Variants in MSL1 observed in about 807,000 individuals in gnomAD.
The protein encoded by MSL1 is male-specific lethal 1 homolog.
In MSL1, 21 loss-of-function variants were observed where a neutral mutation model predicts 64.6. The observed-to-expected ratio is 0.33, with a 90% CI of 0.23 to 0.47. The LOEUF (loss-of-function observed/expected upper bound fraction) is 0.47. Among genes scored for constraint, MSL1 ranks in the 20% least tolerant of loss-of-function variants. The pLI is 1.00. For missense variants in MSL1, 664 were observed against 793.2 expected (o/e 0.84, Z 1.96); for synonymous variants, 339 against 329.6 (o/e 1.03, Z -0.31).
intron 1 of MSL1, 40 bp downstream of exon 1, chr17:40,123,420 G>A: frequency 6.6e-7 from 1 of 1,525,876 alleles, no homozygotes; most frequent in Non-Finnish European, 8.8e-7. Flanking sequence ...CGAGGAGCGA[G>A]TTGTGCGCAT....
intron 6 of MSL1, 82 bp from the exon 7 acceptor site, chr17:40,133,452 T>C: frequency 6.6e-7 from 1 of 1,505,178 alleles, no homozygotes. Context: ...GCATCTGGAT[T>C]GTGTGAGTTG....
In MSL1 at chr17:40,126,299, G is replaced by A; in HGVS notation, c.885G>A (p.Glu295=). The A allele has an allele frequency of 1.9e-6, 3 of 1,613,996 alleles. No individual in the cohort carries two copies. Among genetic ancestry groups the A allele is most frequent in the Non-Finnish European group, 2.5e-6 (3 of 1,179,886 alleles). The part of the protein sequence containing the change: ...GYETEEREET[E]LSEKIKLECQ... The stretch of plus-strand genomic sequence containing the variant: ...AAACTGAAGAGAGAGAGGAAACAGA[G>A]CTATCTGAGAAAATTAAACTGGAGT... The change falls in exon 2 of 9, where the codon GAG becomes GAA. Residue 295 remains glutamate, a synonymous_variant. Coordinates refer to ENST00000398532, the MANE Select transcript of MSL1 (RefSeq NM_001365919.1).
Position 40,123,177 on chromosome 17 carries a change from G to A in MSL1, c.565G>A (p.Ala189Thr). 6.5e-7 allele frequency: 1 copy of A among 1,535,090 alleles called. No homozygotes were observed. The highest frequency in any genetic ancestry group is 8.7e-7 in the Non-Finnish European group (1 of 1,146,594). ...GPPPLAPTAT[A>T]GTLAASEGRW... ...GCCACCCCTCGCGCCCACCGCCACC[G>A]CCGGGACCCTGGCGGCCAGCGAGGG... The change falls in exon 1 of 9, where the codon GCC (alanine) becomes ACC (threonine). Residue 189 changes from alanine to threonine, a missense_variant. By Grantham distance (58) the Ala-to-Thr change is moderately conservative. Transcript: ENST00000398532.
Position 40,136,630 on chromosome 17 carries a change from A to G in MSL1, c.*2261A>G, listed in dbSNP as rs903200442. On this transcript the variant is annotated 3_prime_UTR_variant, in exon 9 of 9. Transcript: ENST00000398532. Reference sequence around the variant, plus strand: ...AGCTAGTGTTAATAAATTAAAAAAAATTGCTTGTCTGTCTACTTCAGCTTT... The same window carrying G: ...AGCTAGTGTTAATAAATTAAAAAAAGTTGCTTGTCTGTCTACTTCAGCTTT... 9 of 152,316 alleles carry G rather than the reference A, an allele frequency of 5.9e-5. No homozygotes were observed. The highest frequency in any genetic ancestry group is 1.9e-4 in the African/African-American group (8 of 41,428). 9.4% of individuals were successfully genotyped at this position (152,316 alleles called of 1,614,324 possible). A position where few individuals can be genotyped will look rare whatever the true frequency, so the allele number is the denominator to read the frequency against.
rs1988443371 is a variant in MSL1 at position 40,131,837 on chromosome 17, T to C, written c.1424-197T>C. 1 of 612,952 alleles carries C rather than the reference T, an allele frequency of 1.6e-6. No homozygotes were observed. The highest frequency in any genetic ancestry group is 2.9e-5 in the Admixed American group (1 of 34,214). The allele number at this position is 612,952 out of a possible 1,614,324, so 38.0% of individuals were successfully genotyped here. A position where few individuals can be genotyped will look rare whatever the true frequency, so the allele number is the denominator to read the frequency against. On this transcript the variant is annotated intron_variant, in intron 4 of 8. Coordinates refer to ENST00000398532, the MANE Select transcript of MSL1 (RefSeq NM_001365919.1). This position sits in a 1 kb window ranked among gnomAD's most constrained non-coding sequence, Gnocchi z 4.5. ...TGATCCTGAGTTTGGCAGACTGCAA[T>C]GGCATTTTAGGTTCTTTTATACCAT...
Position 40,123,336 on chromosome 17 carries a change from G to A in MSL1, c.724G>A (p.Ala242Thr), listed in dbSNP as rs1480205400. Residue 242 changes from alanine (A) to threonine (T), a missense_variant, in exon 1 of 9, where the codon GCC (alanine) becomes ACC (threonine). Physicochemically the swap from Ala to Thr is moderately conservative, Grantham distance 58. Coordinates refer to ENST00000398532, the MANE Select transcript of MSL1 (RefSeq NM_001365919.1). The stretch of plus-strand genomic sequence containing the variant: ...CGAACAGCAGCAGCAGCAGCTGCAG[G>A]CCAAGGAAAAGGAGATCGAGGAGCT... ...LIEQQQQQLQAKEKEIEELKS... is the reference protein window; with the variant it reads ...LIEQQQQQLQTKEKEIEELKS... The A allele has an allele frequency of 3.3e-6, 5 of 1,536,326 alleles. No individual in the cohort carries two copies. The highest frequency in any genetic ancestry group is 1.4e-5 in the African/African-American group (1 of 73,048).
Position 40,131,518 on chromosome 17 carries a change from T to C in MSL1, c.1376-19T>C. The stretch of plus-strand genomic sequence containing the variant: ...TTTCTTTTTACACTGAGATTATTCT[T>C]CTTTCCTGCATTATTTAGGGTGTCT... On this transcript the variant is annotated intron_variant, in intron 3 of 8. Transcript: ENST00000398532. The surrounding 1 kb of genome is among the most constrained non-coding windows in gnomAD (Gnocchi z 4.5). The C allele has an allele frequency of 1.2e-6, 2 of 1,612,586 alleles. No homozygotes were observed. The highest frequency in any genetic ancestry group is 1.7e-6 in the Non-Finnish European group (2 of 1,178,662).
intron 1 of MSL1, among the ~76,000 whole-genome samples, chr17:40,123,784 C>T (rs1309040257): frequency 6.6e-6 from 1 of 152,152 alleles, no homozygotes; most frequent in Non-Finnish European, 1.5e-5. Context: ...GAGGAGAGGG[C>T]TGTAGCAAGC....
rs1299993632 is a variant in MSL1 at position 40,123,064 on chromosome 17, C to T, written c.452C>T (p.Pro151Leu). The T allele has an allele frequency of 9.8e-6, 15 of 1,532,264 alleles. No homozygotes were observed. The highest frequency in any genetic ancestry group is 1.3e-5 in the Non-Finnish European group (15 of 1,145,422). 94.9% of individuals were successfully genotyped at this position (1,532,264 alleles called of 1,614,324 possible). Residue 151 changes from proline (P) to leucine (L), a missense_variant, in exon 1 of 9, where the codon CCC (proline) becomes CTC (leucine). By Grantham distance (98) the Pro-to-Leu change is moderately conservative. Transcript: ENST00000398532. ...GTGGCGGCGGCCAAAGAGCCTACGC[C>T]CTGGGCTGGGGACAAGGGTGGGGCG... ...SLVAAAKEPT[P>L]WAGDKGGAAS...
At position 40,122,550 on chromosome 17, in the gene MSL1, C is replaced by G. The variant is rs1347615892; in HGVS notation, c.-63C>G. ...CTCCCCCCCCTCAGTCCTCGACCCC[C>G]CGCACCTCGCCCCTTCCCCACCCCC... On this transcript the variant is annotated 5_prime_UTR_variant, in exon 1 of 9. Transcript: ENST00000398532. The surrounding 1 kb of genome is among the most constrained non-coding windows in gnomAD (Gnocchi z 4.2). 4 of 1,267,304 alleles carry G rather than the reference C, an allele frequency of 3.2e-6. No homozygotes were observed. The highest frequency in any genetic ancestry group is 1.6e-5 in the African/African-American group (1 of 63,608). 78.5% of individuals were successfully genotyped at this position (1,267,304 alleles called of 1,614,324 possible).
chr17:40,128,182 G>T (rs966581516), intron 2 of MSL1, among the ~76,000 whole-genome samples: 5 of 151,962 alleles, frequency 3.3e-5, no homozygotes, highest in African/African-American at 1.2e-4. Flanking sequence ...TGTGGTGGGG[G>T]AAGAAGGGAA....
intron 2 of MSL1, among the ~76,000 whole-genome samples, chr17:40,128,256 G>A (rs975110898): frequency 6.6e-6 from 1 of 152,020 alleles, no homozygotes; most frequent in Admixed American, 6.6e-5. Context: ...TACAATTAAT[G>A]TGGTACAGGG....
chr17:40,125,565 C>T (rs2145128187), intron 1 of MSL1, among the ~76,000 whole-genome samples: 1 of 152,310 alleles, frequency 6.6e-6, no homozygotes, highest in Admixed American at 6.5e-5. Context: ...GTAATCCCAG[C>T]ACTTTGGGAG....
chr17:40,128,409 CTG>C (rs1988369876), intron 2 of MSL1, among the ~76,000 whole-genome samples: 1 of 135,114 alleles, frequency 7.4e-6, no homozygotes, highest in South Asian at 2.5e-4. Flanking sequence ...GAGTCTCACT[CTG>C]TCGCCCAGGC....
rs866867277 is a variant in MSL1, at chr17:40,134,314, G to A, written c.1790G>A (p.Arg597Gln). 10 of 1,557,606 alleles carry A rather than the reference G, an allele frequency of 6.4e-6. No individual in the cohort carries two copies. The highest frequency in any genetic ancestry group is 8.7e-6 in the Non-Finnish European group (10 of 1,150,276). Residue 597 changes from arginine (R) to glutamine (Q), a missense_variant, in exon 9 of 9, where the codon CGA becomes CAA. Arg to Gln is a conservative substitution (Grantham distance 43, BLOSUM62 1). Around this residue, in one of 4 missense-constraint regions of MSL1, gnomAD observed 76 missense variants for 98.5 expected, o/e 0.77. Transcript: ENST00000398532. Reference protein sequence around the residue: ...FELPWLDERSRCRLEIQKKQT... With the variant: ...FELPWLDERSQCRLEIQKKQT... ...CTACCCTGGTTGGATGAGCGTAGCC[G>A]ATGCAGATTGGAGATCCAGAAGAAG...
Position 40,126,360 on chromosome 17 carries a change from CCT to C in MSL1, c.948_949del (p.Pro317GlnfsTer13). ...PELSETSQTL[P>X]PKPFSCGRSG... ...GCTTTCCGAGACATCCCAGACTCTG[CCT>C]CCCAAGCCCTTCTCATGTGGGCGGA... is the stretch of plus-strand genomic sequence containing the variant. On this transcript the variant is annotated frameshift_variant, in exon 2 of 9. Coordinates refer to ENST00000398532, the MANE Select transcript of MSL1 (RefSeq NM_001365919.1). LOFTEE classifies it high-confidence loss of function. 1 of 1,613,954 alleles carries C rather than the reference CCT, an allele frequency of 6.2e-7. No homozygotes were observed.
In MSL1 at chr17:40,134,550, T is replaced by C. The variant is rs186424223; in HGVS notation, c.*181T>C. ...CACAAAAACTCTTTCATTCGGCTAA[T>C]TGTGAGTTATGGAGGGTGATTGGGA... On this transcript the variant is annotated 3_prime_UTR_variant, in exon 9 of 9. Transcript: ENST00000398532. The C allele has an allele frequency of 8.4e-6, 5 of 597,464 alleles. No homozygotes were observed. The highest frequency in any genetic ancestry group is 4.2e-5 in the South Asian group (2 of 48,128). The allele number at this position is 597,464 out of a possible 1,614,324, so 37.0% of individuals were successfully genotyped here.
intron 3 of MSL1, among the ~76,000 whole-genome samples, chr17:40,130,581 G>T (rs749792616): frequency 6.6e-6 from 1 of 152,198 alleles, no homozygotes; most frequent in East Asian, 1.9e-4. Flanking sequence ...GATGGGGATA[G>T]AAATCCATTC....
intron 6 of MSL1, 169 bp downstream of exon 6, chr17:40,133,278 G>A (rs1384607375): frequency 2.8e-5 from 21 of 755,280 alleles, no homozygotes; most frequent in Non-Finnish European, 4.5e-5. Flanking sequence ...AATGGTAGTT[G>A]TTGCGGTAAA....
Sources: allele counts gnomAD v4.1 joint callset (sites outside exome capture counted in the v4.1 genomes callset), GRCh38; gene constraint gnomAD v4.1.1; regional missense constraint gnomAD v4.1.1; non-coding constraint Gnocchi (gnomAD v3.1); transcripts MANE v1.5; gene names NCBI Gene and HGNC (gene_info 2026-07-23, HGNC 2026-07-21).